Variants in CAPN5 observed in about 807,000 individuals in gnomAD.
The protein encoded by CAPN5 is calpain-5.
In CAPN5, 54 loss-of-function variants were observed where a neutral mutation model predicts 73.0. That is an observed-to-expected ratio of 0.74 (90% CI 0.59 to 0.93). CAPN5 has a LOEUF of 0.93. Ranked by LOEUF, CAPN5 falls within the 40% of genes least tolerant of loss-of-function variation. CAPN5 has a pLI of 0.00. For synonymous variants in CAPN5, 335 were observed against 356.9 expected, an observed-to-expected ratio of 0.94 and a Z score of 0.69; for missense variants, 785 against 882.9, an observed-to-expected ratio of 0.89 and a Z score of 1.41.
intron 1 of CAPN5, among the ~76,000 whole-genome samples, chr11:77,082,359 G>A (rs1950036284): frequency 6.6e-6 from 1 of 152,214 alleles, no homozygotes; most frequent in Admixed American, 6.5e-5. Context: ...AGGGAGACAG[G>A]AAGTGCTACG....
chr11:77,086,687 G>A (rs1197573720), intron 2 of CAPN5, among the ~76,000 whole-genome samples: 1 of 152,184 alleles, frequency 6.6e-6, no homozygotes, highest in Admixed American at 6.5e-5. Flanking sequence ...AGGAGGGCTG[G>A]GCACTCGAGC....
In CAPN5 at chr11:77,094,592, T is replaced by C. The variant is rs2135438053; in HGVS notation, c.297+779T>C. Among the ~76,000 whole-genome samples, 2 of 152,336 alleles carry C rather than the reference T, an allele frequency of 1.3e-5. 1 individual carries two copies. The highest frequency in any genetic ancestry group is 4.1e-4 in the South Asian group (2 of 4,826). Reference sequence around the variant, plus strand: ...GACTCTGGTCATTGCCCCTTGCTCATCCCTGCCCTTCTGCCATCCCTTGGG... The same window carrying C: ...GACTCTGGTCATTGCCCCTTGCTCACCCCTGCCCTTCTGCCATCCCTTGGG... On this transcript the variant is annotated intron_variant, in intron 3 of 12. Transcript: ENST00000648180.
Position 77,120,915 on chromosome 11 carries a change from T to C in CAPN5, c.1487+6T>C. 1.9e-6 allele frequency: 3 copies of C among 1,610,078 alleles called. No individual in the cohort carries two copies. The highest frequency in any genetic ancestry group is 2.5e-6 in the Non-Finnish European group (3 of 1,177,152). The stretch of plus-strand genomic sequence containing the variant: ...GATGTGCCCTCCAACTGCCGGTACT[T>C]GGGGGCTGGCTTGAGGCCAGTGTGG... On this transcript the variant is annotated splice_donor_region_variant and intron_variant, in intron 10 of 12. Coordinates refer to ENST00000648180, the MANE Select transcript of CAPN5 (RefSeq NM_004055.5).
chr11:77,101,397 C>T (rs1167093125), intron 3 of CAPN5, among the ~76,000 whole-genome samples: 2 of 152,216 alleles, frequency 1.3e-5, no homozygotes, highest in East Asian at 3.8e-4. Context: ...TTGTTCCCCT[C>T]TCCCCTGCCC....
In CAPN5 at chr11:77,102,902, GA is replaced by G. The variant is rs782626084; in HGVS notation, c.297+9090del. Reference sequence around the variant, plus strand: ...TGCCGCTGGTCCTGGACCAGGGCCTGACCAGGCAGATGCGGCTACGCGTGGA... The same window carrying G: ...TGCCGCTGGTCCTGGACCAGGGCCTGCCAGGCAGATGCGGCTACGCGTGGA... On this transcript the variant is annotated intron_variant, in intron 3 of 12. Coordinates refer to ENST00000648180, the MANE Select transcript of CAPN5 (RefSeq NM_004055.5). 3.5e-5 allele frequency: 56 copies of G among 1,612,482 alleles called. No individual in the cohort carries two copies. The African/African-American group carries it at 6.0e-4, about 17-fold the overall frequency.
chr11:77,093,585 TCTGTGTCTGTC>T lies in CAPN5; in HGVS notation c.166-96_166-86del, dbSNP rs782333061. 2,520 of 914,696 alleles carry T rather than the reference TCTGTGTCTGTC, an allele frequency of 2.8e-3. 10 individuals carry two copies. Among genetic ancestry groups the T allele is most frequent in the Non-Finnish European group, 3.2e-3 (2,162 of 675,244 alleles). 56.7% of individuals were successfully genotyped at this position (914,696 alleles called of 1,614,324 possible). A position where few individuals can be genotyped will look rare whatever the true frequency, so the allele number is the denominator to read the frequency against. On this transcript the variant is annotated intron_variant, in intron 2 of 12. Coordinates refer to ENST00000648180, the MANE Select transcript of CAPN5 (RefSeq NM_004055.5). ...ACCATGCTGATGATCACACAGCAAG[TCTGTGTCTGTC>T]ACGTCTGTGTCTGTCATGTCTCCTG...
At chr11:77,104,282 T>C (rs78038892) in intron 3 of CAPN5, among the ~76,000 whole-genome samples, 3,538 of 152,210 alleles carry the variant, frequency 0.023, 140 homozygotes, top group African/African-American at 0.077. Context: ...GAGAGTGGAT[T>C]CTCCAGGGCC....
intron 4 of CAPN5, among the ~76,000 whole-genome samples, chr11:77,114,011 T>C (rs1230709052): frequency 6.6e-6 from 1 of 152,048 alleles, no homozygotes. Context: ...TTTTTTTTTT[T>C]TGGACAGCTG....
intron 1 of CAPN5, among the ~76,000 whole-genome samples, chr11:77,076,478 A>C (rs782607146): frequency 6.6e-6 from 1 of 152,084 alleles, no homozygotes; most frequent in Admixed American, 6.5e-5. Flanking sequence ...ATCTAACTGA[A>C]ATTTTGTGTC....
At position 77,118,264 on chromosome 11, in the gene CAPN5, A is replaced by G. The variant is rs2135483861; in HGVS notation, c.1079A>G (p.His360Arg). The change falls in exon 8 of 13, where the codon CAT becomes CGT. Residue 360 changes from histidine to arginine, a missense_variant. Physicochemically the swap from His to Arg is conservative, Grantham distance 29. Transcript: ENST00000648180. ...IHKTWEEARL[H>R]GAWTLHEDPR... The stretch of plus-strand genomic sequence containing the variant: ...AAGACGTGGGAGGAGGCCCGGCTGC[A>G]TGGCGCCTGGACGCTGCATGAGGAC... The G allele has an allele frequency of 1.2e-6, 2 of 1,614,106 alleles. No individual in the cohort carries two copies. The highest frequency in any genetic ancestry group is 1.7e-4 in the Middle Eastern group (1 of 6,060).
At chr11:77,095,772 A>G (rs1200647630) in intron 3 of CAPN5, among the ~76,000 whole-genome samples, 1 of 152,250 alleles carries the variant, frequency 6.6e-6, no homozygotes, top group Non-Finnish European at 1.5e-5. Context: ...AGTGAAGAAC[A>G]GGCCCAGGAC....
Position 77,115,584 on chromosome 11 carries a change from G to A in CAPN5, c.889G>A (p.Asp297Asn), listed in dbSNP as rs1555041607. 4 of 1,606,810 alleles carry A rather than the reference G, an allele frequency of 2.5e-6. No homozygotes were observed. Among genetic ancestry groups the A allele is most frequent in the Non-Finnish European group, 2.6e-6 (3 of 1,175,700 alleles). ...GCGGGAGTGGAACGGGCCCTGGAGT[G>A]ACACGTGAGGCCTGGGGATGGGGGT... The part of the protein sequence containing the change: ...GEREWNGPWS[D>N]TSEEWQKVSK... The change falls in exon 6 of 13, where the codon GAC becomes AAC. Residue 297 changes from aspartate (D) to asparagine (N), a missense_variant. Physicochemically the swap from Asp to Asn is conservative, Grantham distance 23. Coordinates refer to ENST00000648180, the MANE Select transcript of CAPN5 (RefSeq NM_004055.5).
intron 3 of CAPN5, 31 bp from the exon 4 acceptor site, chr11:77,112,558 C>G: frequency 9.0e-5 from 130 of 1,443,448 alleles, no homozygotes; most frequent in Non-Finnish European, 1.1e-4. Context: ...TCACTGTGTT[C>G]CCCCATCCTA....
chr11:77,122,512 T>G, intron 11 of CAPN5, 64 bp from the exon 12 acceptor site: 1 of 1,357,140 alleles, frequency 7.4e-7, no homozygotes, highest in African/African-American at 1.4e-5. Context: ...CACCTGTAGA[T>G]ATCTGTGGCC....
At chr11:77,113,056 A>T (rs730949) in intron 4 of CAPN5, 36 of 573,488 alleles carry the variant, frequency 6.3e-5, no homozygotes, top group African/African-American at 5.6e-4. Context: ...CCCAGGCAAC[A>T]TCCTGTAGGT....
intron 1 of CAPN5, among the ~76,000 whole-genome samples, chr11:77,083,871 C>T (rs1565258853): frequency 6.6e-6 from 1 of 152,224 alleles, no homozygotes; most frequent in Non-Finnish European, 1.5e-5. Flanking sequence ...TCAGATATCA[C>T]TCCCACAGCC....
rs1473768514 is a variant in CAPN5, at chr11:77,125,873, C to T, written c.*2003C>T. The T allele has an allele frequency of 6.6e-6, 1 of 152,514 alleles. No individual in the cohort carries two copies. The highest frequency in any genetic ancestry group is 1.5e-5 in the Non-Finnish European group (1 of 68,064). The allele number at this position is 152,514 out of a possible 1,614,324, so 9.4% of individuals were successfully genotyped here. ...AGGTTCCACAGTGCTACCCTTGCTTCCTGCCCCTTGAGGTGGGCCAGGCTG... is the reference window on the plus strand; with the variant it reads ...AGGTTCCACAGTGCTACCCTTGCTTTCTGCCCCTTGAGGTGGGCCAGGCTG... On this transcript the variant is annotated 3_prime_UTR_variant, in exon 13 of 13. Transcript: ENST00000648180.
intron 1 of CAPN5, 44 bp from the exon 2 acceptor site, chr11:77,084,808 C>G (rs1950065099): frequency 6.4e-7 from 1 of 1,561,394 alleles, no homozygotes; most frequent in African/African-American, 1.4e-5. Context: ...ACATCAGGGA[C>G]CCAGGGACTC....
At chr11:77,100,076 A>G (rs1236187077) in intron 3 of CAPN5, among the ~76,000 whole-genome samples, 5 of 152,174 alleles carry the variant, frequency 3.3e-5, no homozygotes, top group African/African-American at 1.2e-4. Flanking sequence ...ACCTCAGGTG[A>G]TCCACCCGCC....
Sources: allele counts gnomAD v4.1 joint callset (sites outside exome capture counted in the v4.1 genomes callset), GRCh38; gene constraint gnomAD v4.1.1; transcripts MANE v1.5; gene names NCBI Gene and HGNC (gene_info 2026-07-23, HGNC 2026-07-21).